The following PTPN23 variants were observed in gnomAD, a reference collection of about 807,000 sequenced individuals.
PTPN23 encodes tyrosine-protein phosphatase non-receptor type 23.
Under a neutral mutation model 156.3 loss-of-function variants are expected in PTPN23, and 72 were observed. The observed-to-expected ratio is 0.46, with a 90% CI of 0.38 to 0.56. The LOEUF is 0.56. PTPN23 is among the 20% of genes least tolerant of loss of function. The probability of loss-of-function intolerance (pLI) is 0.00; values close to 1 mark genes in which losing one functional copy is unlikely to be tolerated. For synonymous variants in PTPN23, 957 were observed against 899.6 expected (o/e 1.06, Z -1.14); for missense variants, 1,974 against 2,171.5 (o/e 0.91, Z 1.81).
In PTPN23 at chr3:47,411,732, G is replaced by A. The variant is rs1164932528; in HGVS notation, c.3888+46G>A. 1.8e-5 allele frequency: 29 copies of A among 1,592,502 alleles called. No homozygotes were observed. The highest frequency in any genetic ancestry group is 2.5e-5 in the Non-Finnish European group (29 of 1,165,640). On this transcript the variant is annotated intron_variant, in intron 20 of 24. Coordinates refer to ENST00000265562, the MANE Select transcript of PTPN23 (RefSeq NM_015466.4). The surrounding 1 kb of genome is among the most constrained non-coding windows in gnomAD (Gnocchi z 6.3). ...CCCACGAGGGCAGTGTGGGGTGGCA[G>A]GGCAGGGGATCCTGGAAAACCAGGT... is the stretch of plus-strand genomic sequence containing the variant.
intron 1 of PTPN23, among the ~76,000 whole-genome samples, chr3:47,389,121 G>C (rs914288789): frequency 6.6e-6 from 1 of 151,890 alleles, no homozygotes; most frequent in Non-Finnish European, 1.5e-5. Context: ...TTAATTTTTA[G>C]CTCCCACAAA....
chr3:47,391,793 C>A (rs1260302415), intron 1 of PTPN23, among the ~76,000 whole-genome samples: 1 of 152,202 alleles, frequency 6.6e-6, no homozygotes, highest in Non-Finnish European at 1.5e-5. Context: ...TAAGGGTGGG[C>A]AAAACCTCTT....
chr3:47,394,636 G>A (rs1412491321), intron 1 of PTPN23, among the ~76,000 whole-genome samples: 1 of 152,154 alleles, frequency 6.6e-6, no homozygotes, highest in African/African-American at 2.4e-5. Context: ...ACCTCACCCG[G>A]CCAGGAACAG....
intron 1 of PTPN23, among the ~76,000 whole-genome samples, chr3:47,386,319 C>G (rs1296054171): frequency 6.6e-6 from 1 of 152,100 alleles, no homozygotes; most frequent in Non-Finnish European, 1.5e-5. Flanking sequence ...GGGTGTACCA[C>G]CACGCCCAAC....
rs1705092668 is a variant in PTPN23 at position 47,405,147 on chromosome 3, C to A, written c.364+66C>A. On this transcript the variant is annotated intron_variant, in intron 4 of 24. Transcript: ENST00000265562. The surrounding 1 kb of genome is among the most constrained non-coding windows in gnomAD (Gnocchi z 4.7). ...CCTGCCAGCCTAGCTTTCAGCTCTT[C>A]AGATGGCCACAAAGGCAGTGGGCTG... is the stretch of plus-strand genomic sequence containing the variant. The A allele has an allele frequency of 3.4e-6, 5 of 1,464,104 alleles. No homozygotes were observed. The highest frequency in any genetic ancestry group is 1.4e-5 in the African/African-American group (1 of 72,054). The allele number at this position is 1,464,104 out of a possible 1,614,324, so 90.7% of individuals were successfully genotyped here.
chr3:47,408,003 G>C (rs556539230), intron 14 of PTPN23, 48 bp downstream of exon 14: 5 of 1,586,516 alleles, frequency 3.2e-6, no homozygotes, highest in Non-Finnish European at 4.3e-6. Flanking sequence ...AGCACTTCCC[G>C]GGCCTCTGGG....
At chr3:47,393,259 T>A (rs1004651775) in intron 1 of PTPN23, among the ~76,000 whole-genome samples, 15 of 152,256 alleles carry the variant, frequency 9.9e-5, no homozygotes, top group African/African-American at 3.6e-4. Context: ...TTCAAGCGAT[T>A]CTCCTGTCTC....
Position 47,406,599 on chromosome 3 carries a change from C to A in PTPN23, c.746C>A (p.Ala249Glu). 1 of 1,613,872 alleles carries A rather than the reference C, an allele frequency of 6.2e-7. No individual in the cohort carries two copies. The highest frequency in any genetic ancestry group is 2.2e-5 in the East Asian group (1 of 44,870). ...KLVQMKIYYF[A>E]AVAHLHMGKQ... The stretch of plus-strand genomic sequence containing the variant: ...GTGCAGATGAAGATCTACTACTTCG[C>A]AGCCGTGGCTCATGTGAGGGCCTGG... Residue 249 changes from alanine to glutamate, a missense_variant, in exon 8 of 25, where the codon GCA becomes GAA. Ala to Glu is a moderately radical substitution (Grantham distance 107, BLOSUM62 -1). Transcript: ENST00000265562. The surrounding 1 kb of genome is among the most constrained non-coding windows in gnomAD (Gnocchi z 5.8).
chr3:47,395,338 G>A (rs780404515), intron 1 of PTPN23, among the ~76,000 whole-genome samples: 3 of 152,234 alleles, frequency 2.0e-5, no homozygotes, highest in Admixed American at 1.3e-4. Flanking sequence ...TGTTTGTGGC[G>A]TGAGTGGATC....
intron 2 of PTPN23, among the ~76,000 whole-genome samples, chr3:47,404,182 C>T (rs886479329): frequency 1.3e-5 from 2 of 152,212 alleles, no homozygotes; most frequent in African/African-American, 4.8e-5. Flanking sequence ...TGCCTGTAAT[C>T]CCAGCACTTT....
At chr3:47,382,111 T>C (rs930057622) in intron 1 of PTPN23, among the ~76,000 whole-genome samples, 1 of 152,010 alleles carries the variant, frequency 6.6e-6, no homozygotes, top group Non-Finnish European at 1.5e-5. Context: ...GGAAGACAAA[T>C]AGGAAAAAGA....
chr3:47,408,750 G>C (rs765276687), intron 15 of PTPN23, 26 bp from the exon 16 acceptor site: 5 of 1,557,702 alleles, frequency 3.2e-6, no homozygotes, highest in South Asian at 1.2e-5. Context: ...TGCCTCAGGG[G>C]CTGCCTGTAC....
rs531808941 is a variant in PTPN23, at chr3:47,411,540, T to G, written c.3742T>G (p.Cys1248Gly). The G allele has an allele frequency of 1.2e-6, 2 of 1,612,866 alleles. No homozygotes were observed. Among genetic ancestry groups the G allele is most frequent in the Non-Finnish European group, 1.7e-6 (2 of 1,180,002 alleles). The change falls in exon 20 of 25, where the codon TGC becomes GGC. Residue 1248 changes from cysteine to glycine, a missense_variant. Around this residue, in one of 4 missense-constraint regions of PTPN23, gnomAD observed 484 missense variants for 516.0 expected, o/e 0.94. Coordinates refer to ENST00000265562, the MANE Select transcript of PTPN23 (RefSeq NM_015466.4). This position sits in a 1 kb window ranked among gnomAD's most constrained non-coding sequence, Gnocchi z 6.3. ...SGKDDYINAS[C>G]VEGLSPYCPP... is the part of the protein sequence containing the mutation. ...CAAGGATGACTACATCAATGCCAGC[T>G]GCGTGGAGGGGCTCTCCCCATACTG...
Position 47,408,880 on chromosome 3 carries a change from C to A in PTPN23, c.1435C>A (p.Gln479Lys). ...GCAGAAGTTTCAGGAGGCGGTGGGCCAGGCAGGGGCCATCTCCATCACCTC... is the reference window on the plus strand; with the variant it reads ...GCAGAAGTTTCAGGAGGCGGTGGGCAAGGCAGGGGCCATCTCCATCACCTC... ...LEQKFQEAVG[Q>K]AGAISITSKA... Residue 479 changes from glutamine (Q) to lysine (K), a missense_variant, in exon 16 of 25, where the codon CAG (glutamine) becomes AAG (lysine). By Grantham distance (53) the Gln-to-Lys change is moderately conservative. Coordinates refer to ENST00000265562, the MANE Select transcript of PTPN23 (RefSeq NM_015466.4). 1 of 1,614,204 alleles carries A rather than the reference C, an allele frequency of 6.2e-7. No homozygotes were observed. Among genetic ancestry groups the A allele is most frequent in the East Asian group, 2.2e-5 (1 of 44,880 alleles).
Position 47,409,094 on chromosome 3 carries a change from C to T in PTPN23, c.1642+7C>T, listed in dbSNP as rs200814843. ...ACACCGGCCCTCTCCCCAGGTGAGC[C>T]CCACCAGACCCCATTGGGAGACTCG... On this transcript the variant is annotated splice_region_variant and intron_variant, in intron 16 of 24. Coordinates refer to ENST00000265562, the MANE Select transcript of PTPN23 (RefSeq NM_015466.4). The T allele has an allele frequency of 4.4e-4, 712 of 1,608,482 alleles. 1 individual carries two copies. Among genetic ancestry groups the T allele is most frequent in the Non-Finnish European group, 5.6e-4 (659 of 1,176,564 alleles).
chr3:47,412,002 T>G, intron 21 of PTPN23, 35 bp downstream of exon 21: 4 of 1,606,010 alleles, frequency 2.5e-6, no homozygotes, highest in Non-Finnish European at 3.4e-6. Flanking sequence ...GTTGGGGGTC[T>G]AAGTGCTGTC....
At chr3:47,388,000 A>G (rs756155212) in intron 1 of PTPN23, among the ~76,000 whole-genome samples, 1 of 152,208 alleles carries the variant, frequency 6.6e-6, no homozygotes, top group African/African-American at 2.4e-5. Flanking sequence ...TGCTCAGTAA[A>G]ATAGCAGAGT....
In PTPN23 at chr3:47,406,849, T is replaced by C. The variant is rs1705138106; in HGVS notation, c.807+99T>C. ...ACACACCAGGGGGTGGCCTTCTCTG[T>C]CTCACCCTGGCCATCACCCTGCTGG... is the stretch of plus-strand genomic sequence containing the variant. On this transcript the variant is annotated intron_variant, in intron 9 of 24. Coordinates refer to ENST00000265562, the MANE Select transcript of PTPN23 (RefSeq NM_015466.4). The surrounding 1 kb of genome is among the most constrained non-coding windows in gnomAD (Gnocchi z 5.8). 5 of 1,475,214 alleles carry C rather than the reference T, an allele frequency of 3.4e-6. No homozygotes were observed. Among genetic ancestry groups the C allele is most frequent in the African/African-American group, 1.4e-5 (1 of 71,996 alleles). 91.4% of individuals were successfully genotyped at this position (1,475,214 alleles called of 1,614,324 possible).
At chr3:47,409,880 C>T (rs536053670) in intron 19 of PTPN23, 46 bp downstream of exon 19, 1 of 1,588,636 alleles carries the variant, frequency 6.3e-7, no homozygotes, top group South Asian at 1.1e-5. Flanking sequence ...TCCAGACAGG[C>T]TGGGGTGATG....
Sources: allele counts gnomAD v4.1 joint callset (sites outside exome capture counted in the v4.1 genomes callset), GRCh38; gene constraint gnomAD v4.1.1; regional missense constraint gnomAD v4.1.1; non-coding constraint Gnocchi (gnomAD v3.1); transcripts MANE v1.5; gene names NCBI Gene and HGNC (gene_info 2026-07-23, HGNC 2026-07-21).